ST8SIA5: variants seen among roughly 807,000 people sequenced by gnomAD.
ST8SIA5 encodes the protein alpha-2,8-sialyltransferase 8E.
In ST8SIA5, 24 loss-of-function variants were observed where a neutral mutation model predicts 40.2. That is an observed-to-expected ratio of 0.60 (90% confidence interval 0.43 to 0.84). The LOEUF (loss-of-function observed/expected upper bound fraction) is 0.84. ST8SIA5 is among the 40% of genes least tolerant of loss of function. The pLI, the probability that ST8SIA5 is intolerant of heterozygous loss-of-function variation, is 0.00. For synonymous variants in ST8SIA5, 198 were observed against 201.8 expected (o/e 0.98, Z 0.16); for missense variants, 465 against 498.5 (o/e 0.93, Z 0.64).
intron 1 of ST8SIA5, among the ~76,000 whole-genome samples, chr18:46,725,959 T>TAAAAAAAAAAAAAA (rs72220502): frequency 5.8e-5 from 1 of 17,200 alleles, no homozygotes; most frequent in African/African-American, 3.0e-4. Context: ...CATCTCTACT[T>TAAAAAAAAAAAAAA]AAAAAAAAAA....
chr18:46,706,971 C>T (rs746486145), intron 1 of ST8SIA5, among the ~76,000 whole-genome samples: 5 of 152,206 alleles, frequency 3.3e-5, no homozygotes, highest in African/African-American at 4.8e-5. Context: ...TGAATCTGAG[C>T]TAGCTGTGCC....
intron 1 of ST8SIA5, among the ~76,000 whole-genome samples, chr18:46,706,628 A>T (rs1340111033): frequency 1.3e-5 from 2 of 152,160 alleles, no homozygotes; most frequent in Non-Finnish European, 2.9e-5. Flanking sequence ...TGTCTTTGTT[A>T]TCTCTATATC....
chr18:46,754,702 G>A (rs919430081), intron 1 of ST8SIA5, among the ~76,000 whole-genome samples: 2 of 152,372 alleles, frequency 1.3e-5, no homozygotes, highest in Admixed American at 1.3e-4. Flanking sequence ...CAAGACCAGG[G>A]AGGACTTGCC....
chr18:46,723,599 T>TA (rs1054620199), intron 1 of ST8SIA5, among the ~76,000 whole-genome samples: 3 of 151,614 alleles, frequency 2.0e-5, no homozygotes, highest in Non-Finnish European at 4.4e-5. Flanking sequence ...GTGAAACACT[T>TA]AAAAAAAGAA....
At position 46,681,878 on chromosome 18, in the gene ST8SIA5, C is replaced by T. The variant is rs921852682; in HGVS notation, c.662+94G>A. Reference sequence around the variant, plus strand: ...GTGTTTTACACTCACAGCCAGCACACCTCCAGACTAACAACACTTCCAGTG... The same window carrying T: ...GTGTTTTACACTCACAGCCAGCACATCTCCAGACTAACAACACTTCCAGTG... On this transcript the variant is annotated intron_variant, in intron 6 of 6. Transcript: ENST00000315087. The T allele has an allele frequency of 3.0e-5, 40 of 1,312,026 alleles. No homozygotes were observed. The South Asian group carries it at 4.7e-4, about 15-fold the overall frequency. 81.3% of individuals were successfully genotyped at this position (1,312,026 alleles called of 1,614,324 possible).
intron 1 of ST8SIA5, among the ~76,000 whole-genome samples, chr18:46,705,134 G>A (rs2039657730): frequency 6.6e-6 from 1 of 152,220 alleles, no homozygotes. Flanking sequence ...CCTACACTGT[G>A]ACATAGCTGA....
intron 5 of ST8SIA5, among the ~76,000 whole-genome samples, chr18:46,684,944 A>T (rs1423053451): frequency 1.3e-5 from 2 of 152,064 alleles, no homozygotes; most frequent in Non-Finnish European, 2.9e-5. Context: ...GCAACGCAGG[A>T]TGTAGGGGCT....
intron 1 of ST8SIA5, among the ~76,000 whole-genome samples, chr18:46,735,538 G>T (rs957236372): frequency 1.3e-5 from 2 of 152,292 alleles, no homozygotes; most frequent in African/African-American, 2.4e-5. Flanking sequence ...ATAAGTGCAT[G>T]CAAAATTGGT....
At chr18:46,703,808 T>C (rs1399310841) in intron 2 of ST8SIA5, among the ~76,000 whole-genome samples, 3 of 152,174 alleles carry the variant, frequency 2.0e-5, no homozygotes, top group Non-Finnish European at 2.9e-5. Context: ...TAGTACCAAT[T>C]CTTCTAAATG....
chr18:46,734,592 AG>A (rs1305217736), intron 1 of ST8SIA5, among the ~76,000 whole-genome samples: 2 of 152,154 alleles, frequency 1.3e-5, no homozygotes, highest in Non-Finnish European at 2.9e-5. Context: ...AAAATGGTGG[AG>A]GTAGGGTTTA....
intron 1 of ST8SIA5, among the ~76,000 whole-genome samples, chr18:46,744,979 G>A (rs141760026): frequency 0.073 from 11,161 of 152,124 alleles, 747 homozygotes; most frequent in East Asian, 0.31. Flanking sequence ...GGTAAATAAC[G>A]AAATGAAAGC....
chr18:46,729,558 T>C (rs1373604267), intron 1 of ST8SIA5, among the ~76,000 whole-genome samples: 3 of 152,114 alleles, frequency 2.0e-5, no homozygotes, highest in Admixed American at 6.6e-5. Context: ...ACTGCAGCCA[T>C]AGAGGTGTTA....
At chr18:46,753,432 T>C (rs1347068348) in intron 1 of ST8SIA5, among the ~76,000 whole-genome samples, 1 of 151,726 alleles carries the variant, frequency 6.6e-6, no homozygotes, top group African/African-American at 2.4e-5. Flanking sequence ...ATTAGCTGGG[T>C]GTGGTGGCAG....
At chr18:46,694,875 T>C (rs2039541582) in intron 2 of ST8SIA5, among the ~76,000 whole-genome samples, 1 of 151,992 alleles carries the variant, frequency 6.6e-6, no homozygotes, top group African/African-American at 2.4e-5. Flanking sequence ...AAACCCTTTT[T>C]AGGCCGGGCG....
At position 46,756,690 on chromosome 18, in the gene ST8SIA5, C is replaced by T; in HGVS notation, c.-182G>A. 2 of 678,100 alleles carry T rather than the reference C, an allele frequency of 2.9e-6. No individual in the cohort carries two copies. Among genetic ancestry groups the T allele is most frequent in the Non-Finnish European group, 4.7e-6 (2 of 426,682 alleles). 42.0% of individuals were successfully genotyped at this position (678,100 alleles called of 1,614,324 possible). A position where few individuals can be genotyped will look rare whatever the true frequency, so the allele number is the denominator to read the frequency against. On this transcript the variant is annotated 5_prime_UTR_variant, in exon 1 of 7. Coordinates refer to ENST00000315087, the MANE Select transcript of ST8SIA5 (RefSeq NM_013305.6). Reference sequence around the variant, plus strand: ...CGGAGCTGGGGGCATCCAAGCGTCGCAGGCGCTGGGGCGGCAAGCAGGACA... The same window carrying T: ...CGGAGCTGGGGGCATCCAAGCGTCGTAGGCGCTGGGGCGGCAAGCAGGACA...
chr18:46,697,437 A>C (rs2144490039), intron 2 of ST8SIA5, among the ~76,000 whole-genome samples: 1 of 152,338 alleles, frequency 6.6e-6, no homozygotes, highest in Middle Eastern at 3.4e-3. Context: ...AGATGAAGTC[A>C]AGGGATTTTC....
Position 46,710,626 on chromosome 18 carries a change from C to T in ST8SIA5, c.132-5962G>A, listed in dbSNP as rs183305012. ...CATGATCTCGGCTCACTGCAAACTC[C>T]CCCTCCCGGGTTCAAGTGATTCTCC... On this transcript the variant is annotated intron_variant, in intron 1 of 6. Coordinates refer to ENST00000315087, the MANE Select transcript of ST8SIA5 (RefSeq NM_013305.6). 2.8e-3 allele frequency among the ~76,000 whole-genome samples: 323 copies of T among 115,258 alleles called. 1 individual carries two copies. The highest frequency in any genetic ancestry group is 0.01 in the African/African-American group (307 of 29,444). The allele number at this position is 115,258 out of a possible 152,430, so 75.6% of individuals were successfully genotyped here. A position where few individuals can be genotyped will look rare whatever the true frequency, so the allele number is the denominator to read the frequency against.
At position 46,721,349 on chromosome 18, in the gene ST8SIA5, CCGGGGT is replaced by C. The variant is rs2039861198; in HGVS notation, c.132-16691_132-16686del. On this transcript the variant is annotated intron_variant, in intron 1 of 6. Transcript: ENST00000315087. Reference sequence around the variant, plus strand: ...GCTTCCCCCACTCCCTGGCCTTTTGCCGGGGTCTGTACCTGGAGCTGGAGTCACTGC... The same window carrying C: ...GCTTCCCCCACTCCCTGGCCTTTTGCCTGTACCTGGAGCTGGAGTCACTGC... The C allele has an allele frequency of 3.3e-6, 5 of 1,535,744 alleles. No individual in the cohort carries two copies. In the African/African-American group the frequency reaches 5.5e-5, roughly 17 times the overall value.
At chr18:46,686,816 CA>C (rs752731256) in intron 4 of ST8SIA5, among the ~76,000 whole-genome samples, 6,061 of 120,912 alleles carry the variant, frequency 0.05, 110 homozygotes, top group African/African-American at 0.056. Flanking sequence ...CAGAGAAAGG[CA>C]AAAAAAAAAA....
Sources: gnomAD v4.1 joint callset for allele counts (sites outside exome capture counted in the v4.1 genomes callset) on GRCh38, gnomAD v4.1.1 for gene constraint, MANE v1.5 for transcripts, NCBI Gene and HGNC (gene_info 2026-07-23, HGNC 2026-07-21) for gene names.